The following WDR27 variants were observed in gnomAD, a reference collection of about 807,000 sequenced individuals.
WDR27 encodes WD repeat-containing protein 27.
A neutral mutation model predicts 114.4 loss-of-function variants in WDR27; 100 were observed. That is an observed-to-expected ratio of 0.87 (90% confidence interval 0.74 to 1.03). The LOEUF (loss-of-function observed/expected upper bound fraction) is 1.03, where lower values mean the gene tolerates loss of function less well. Among genes scored for constraint, WDR27 ranks in the 50% least tolerant of loss-of-function variants. The pLI is 0.00. For missense variants in WDR27, 1,129 were observed against 1,092.9 expected, an observed-to-expected ratio of 1.03 and a Z score of -0.47; for synonymous variants, 449 against 423.1, an observed-to-expected ratio of 1.06 and a Z score of -0.75.
intron 21 of WDR27, among the ~76,000 whole-genome samples, chr6:169,629,643 T>C (rs1044748806): frequency 6.6e-6 from 1 of 152,060 alleles, no homozygotes; most frequent in Admixed American, 6.6e-5. Flanking sequence ...AAATGTAAAA[T>C]TGGCCGGGCG....
the WDR27 span, among the ~76,000 whole-genome samples, chr6:169,443,598 A>T: frequency 6.6e-6 from 1 of 152,290 alleles, no homozygotes; most frequent in Admixed American, 6.5e-5. Flanking sequence ...GTAAGAATGG[A>T]AATACTAGAG....
At position 169,658,349 on chromosome 6, in the gene WDR27, G is replaced by A; in HGVS notation, c.1329C>T (p.Val443=). 2 of 1,594,996 alleles carry A rather than the reference G, an allele frequency of 1.3e-6. No individual in the cohort carries two copies. The highest frequency in any genetic ancestry group is 1.1e-5 in the South Asian group (1 of 87,360). ...CCAGATACAGTGGAGAGGTCGGTAG[G>A]ACACAGGAGCTGAAACAGAAACAAG... ...QSLSVPASSC[V]LPTSPLYLGI... Residue 443 remains valine (V), a synonymous_variant, in exon 13 of 26, where the codon GTC becomes GTT. Transcript: ENST00000448612.
intron 25 of WDR27, among the ~76,000 whole-genome samples, chr6:169,490,694 G>A (rs1789638652): frequency 6.6e-6 from 1 of 152,172 alleles, no homozygotes; most frequent in Admixed American, 6.5e-5. Context: ...AACAAGACAA[G>A]CTACTGGCTG....
At chr6:169,476,784 A>C (rs73789961) in intron 25 of WDR27, among the ~76,000 whole-genome samples, 7 of 152,210 alleles carry the variant, frequency 4.6e-5, no homozygotes, top group East Asian at 1.9e-4. Flanking sequence ...TTGTAACTAG[A>C]TACTGCATGC....
At chr6:169,649,831 T>C (rs1158340313) in intron 14 of WDR27, among the ~76,000 whole-genome samples, 1 of 138,956 alleles carries the variant, frequency 7.2e-6, no homozygotes, top group East Asian at 2.4e-4. Context: ...CATCCATCTC[T>C]CATCTCTCTC....
intron 1 of WDR27, among the ~76,000 whole-genome samples, chr6:169,693,505 A>AT (rs1785029202): frequency 6.6e-6 from 1 of 152,250 alleles, no homozygotes. Context: ...CTGAATGTAA[A>AT]TGGTCTAAGT....
chr6:169,600,017 G>A (rs1296687586), intron 23 of WDR27, among the ~76,000 whole-genome samples: 4 of 152,048 alleles, frequency 2.6e-5, no homozygotes, highest in Non-Finnish European at 5.9e-5. Flanking sequence ...ATTTCGTTAT[G>A]TACCCAGTAG....
intron 25 of WDR27, among the ~76,000 whole-genome samples, chr6:169,478,603 T>TATA (rs1486614425): frequency 6.6e-6 from 1 of 152,136 alleles, no homozygotes; most frequent in Admixed American, 6.5e-5. Context: ...TCACACACCT[T>TATA]ATGTGCCACA....
chr6:169,681,428 T>C (rs1474523512), intron 2 of WDR27, among the ~76,000 whole-genome samples: 1 of 152,160 alleles, frequency 6.6e-6, no homozygotes, highest in Non-Finnish European at 1.5e-5. Flanking sequence ...AGAGCCAAGA[T>C]CTTAGAAGGT....
intron 25 of WDR27, among the ~76,000 whole-genome samples, chr6:169,481,424 C>T (rs1399432165): frequency 1.3e-5 from 2 of 152,316 alleles, no homozygotes; most frequent in Non-Finnish European, 2.9e-5. Context: ...AGCAGGCTGC[C>T]CAAGCCAACA....
intron 14 of WDR27, among the ~76,000 whole-genome samples, chr6:169,650,554 C>T (rs1395277454): frequency 3.3e-5 from 5 of 149,964 alleles, no homozygotes; most frequent in Admixed American, 6.6e-5. Flanking sequence ...TCCTTCATCC[C>T]CTCCATCCAT....
intron 25 of WDR27, among the ~76,000 whole-genome samples, chr6:169,500,699 T>C (rs796548862): frequency 1.1e-4 from 17 of 152,242 alleles, no homozygotes; most frequent in African/African-American, 3.9e-4. Flanking sequence ...AAGCAGTCGC[T>C]GCACATCACT....
the WDR27 span, among the ~76,000 whole-genome samples, chr6:169,442,319 C>T: frequency 6.6e-6 from 1 of 152,166 alleles, no homozygotes; most frequent in African/African-American, 2.4e-5. Flanking sequence ...AAGTAACTGC[C>T]AAGATTACTG....
At chr6:169,601,175 A>T (rs1214244863) in intron 23 of WDR27, among the ~76,000 whole-genome samples, 1 of 152,226 alleles carries the variant, frequency 6.6e-6, no homozygotes, top group Non-Finnish European at 1.5e-5. Flanking sequence ...CTTAAAGAAA[A>T]GAATTTTCAA....
At chr6:169,617,006 G>A (rs1429141055) in intron 21 of WDR27, among the ~76,000 whole-genome samples, 2 of 152,138 alleles carry the variant, frequency 1.3e-5, no homozygotes. Context: ...GCAACAGGGA[G>A]ATATGGGGTT....
downstream of WDR27, among the ~76,000 whole-genome samples, chr6:169,456,434 C>T (rs1447078020): frequency 6.6e-6 from 1 of 152,144 alleles, no homozygotes; most frequent in Non-Finnish European, 1.5e-5. This position sits in a 1 kb window ranked among gnomAD's most constrained non-coding sequence, Gnocchi z 4.0. Context: ...TAAAAGAGAC[C>T]ACTCTAGATC....
intron 25 of WDR27, among the ~76,000 whole-genome samples, chr6:169,499,806 C>T (rs1790894249): frequency 6.6e-6 from 1 of 152,218 alleles, no homozygotes; most frequent in South Asian, 2.1e-4. Flanking sequence ...GGGCCCGTCA[C>T]AGGCAGCAGG....
At chr6:169,473,522 C>T (rs1420480834) in intron 25 of WDR27, among the ~76,000 whole-genome samples, 1 of 152,186 alleles carries the variant, frequency 6.6e-6, no homozygotes, top group African/African-American at 2.4e-5. Context: ...CTCCCAATGT[C>T]TCTTCAGTGA....
At chr6:169,443,670 A>T in the WDR27 span, among the ~76,000 whole-genome samples, 2 of 152,132 alleles carry the variant, frequency 1.3e-5, no homozygotes, top group African/African-American at 2.4e-5. Context: ...GAGCCACAGA[A>T]CTCAGGACAG....
Sources: gnomAD v4.1 joint callset for allele counts (sites outside exome capture counted in the v4.1 genomes callset) on GRCh38, gnomAD v4.1.1 for gene constraint, Gnocchi (gnomAD v3.1) non-coding constraint, MANE v1.5 for transcripts, NCBI Gene and HGNC (gene_info 2026-07-23, HGNC 2026-07-21) for gene names.